Variants in UNC79 observed in about 807,000 individuals in gnomAD.
The protein encoded by UNC79 is unc-79 subunit of NALCN channel complex.
Under a neutral mutation model 283.1 loss-of-function variants are expected in UNC79, and 37 were observed. The ratio of observed to expected loss-of-function variants is 0.13; its 90% CI spans 0.10 to 0.17. The LOEUF (loss-of-function observed/expected upper bound fraction) is 0.17, where lower values mean the gene tolerates loss of function less well. UNC79 is among the 10% of genes least tolerant of loss of function. The pLI is 1.00. For missense variants in UNC79, 2,272 were observed against 3,211.1 expected (o/e 0.71, Z 7.07); for synonymous variants, 1,107 against 1,200.2 (o/e 0.92, Z 1.61).
chr14:93,574,488 A>G (rs1347227972), intron 16 of UNC79, among the ~76,000 whole-genome samples: 1 of 152,200 alleles, frequency 6.6e-6, no homozygotes, highest in East Asian at 1.9e-4. Flanking sequence ...TCACAGTGGG[A>G]GGGATAGGAT....
At chr14:93,672,670 G>A (rs189938157) in intron 40 of UNC79, among the ~76,000 whole-genome samples, 1 of 152,310 alleles carries the variant, frequency 6.6e-6, no homozygotes, top group East Asian at 1.9e-4. Context: ...GACTTGAAAT[G>A]TTCCCAATGC....
At chr14:93,580,016 A>G in intron 18 of UNC79, 133 bp from the exon 19 acceptor site, 1 of 770,448 alleles carries the variant, frequency 1.3e-6, no homozygotes, top group Non-Finnish European at 2.0e-6. Flanking sequence ...TAAATAATTC[A>G]ATATTTCTGT....
chr14:93,670,566 A>C (rs886948143), intron 40 of UNC79, among the ~76,000 whole-genome samples: 5 of 152,242 alleles, frequency 3.3e-5, no homozygotes, highest in African/African-American at 1.2e-4. Context: ...TTCTCTGGGC[A>C]TGCCACCTTC....
chr14:93,380,170 G>T (rs1397776997), intron 1 of UNC79, among the ~76,000 whole-genome samples: 1 of 152,114 alleles, frequency 6.6e-6, no homozygotes, highest in African/African-American at 2.4e-5. Flanking sequence ...GAGTAGGAGG[G>T]GGAGGATGAC....
At chr14:93,402,285 AAAAAAAAAAGAAAAG>A (rs1297597252) in intron 1 of UNC79, among the ~76,000 whole-genome samples, 2 of 147,660 alleles carry the variant, frequency 1.4e-5, no homozygotes, top group Non-Finnish European at 3.0e-5. Flanking sequence ...TCAAAAAAAA[AAAAAAAAAAGAAAAG>A]AAAAGAAAAA....
intron 46 of UNC79, among the ~76,000 whole-genome samples, chr14:93,693,607 G>A (rs553156165): frequency 3.9e-5 from 6 of 152,178 alleles, no homozygotes; most frequent in Non-Finnish European, 7.3e-5. Context: ...TTGAACTGTC[G>A]TAAGCATGGC....
intron 7 of UNC79, among the ~76,000 whole-genome samples, chr14:93,500,844 T>G (rs1033280945): frequency 2.0e-5 from 3 of 152,240 alleles, no homozygotes; most frequent in Non-Finnish European, 2.9e-5. Context: ...TTAGAAATTG[T>G]CTGCAATGCC....
At chr14:93,376,279 T>G (rs773294855) in intron 1 of UNC79, among the ~76,000 whole-genome samples, 31 of 152,186 alleles carry the variant, frequency 2.0e-4, no homozygotes, top group Non-Finnish European at 4.3e-4. Context: ...AGAGAGATTT[T>G]GGGGAAGAAC....
rs1425647659 is a variant in UNC79, at chr14:93,521,878, A to G, written c.899-2100A>G. Among the ~76,000 whole-genome samples the G allele has an allele frequency of 2.0e-5, 3 of 150,598 alleles. No homozygotes were observed. In the Admixed American group the frequency reaches 2.0e-4, roughly 10 times the overall value. On this transcript the variant is annotated intron_variant, in intron 7 of 48. Coordinates refer to ENST00000555664, the Ensembl canonical transcript of UNC79. ...TGTAGTGCTTTTCCCAATTAGAAATACCTGTGTTCTATCCTCAAACATTTT... is the reference window on the plus strand; with the variant it reads ...TGTAGTGCTTTTCCCAATTAGAAATGCCTGTGTTCTATCCTCAAACATTTT...
chr14:93,511,070 G>A (rs1256002065), intron 7 of UNC79, among the ~76,000 whole-genome samples: 1 of 152,142 alleles, frequency 6.6e-6, no homozygotes, highest in Non-Finnish European at 1.5e-5. Flanking sequence ...AGGGGGAAGC[G>A]GGCACATCTT....
intron 1 of UNC79, among the ~76,000 whole-genome samples, chr14:93,398,905 A>G (rs1454647193): frequency 6.6e-6 from 1 of 152,180 alleles, no homozygotes; most frequent in Non-Finnish European, 1.5e-5. Flanking sequence ...GTTGGGGTAA[A>G]CATGGTGTAT....
At chr14:93,431,729 A>C (rs889437479) in intron 1 of UNC79, among the ~76,000 whole-genome samples, 3 of 152,250 alleles carry the variant, frequency 2.0e-5, no homozygotes, top group Non-Finnish European at 4.4e-5. Flanking sequence ...AGGGCAGCCC[A>C]TAGCACCGGA....
In UNC79 at chr14:93,690,370, T is replaced by A; in HGVS notation, c.7272+67T>A. 7 of 1,518,946 alleles carry A rather than the reference T, an allele frequency of 4.6e-6. No homozygotes were observed. The highest frequency in any genetic ancestry group is 6.2e-6 in the Non-Finnish European group (7 of 1,122,182). 94.1% of individuals were successfully genotyped at this position (1,518,946 alleles called of 1,614,324 possible). ...TGCTAATGGAAACCTTATCAGCCAATTATGTTTCTTCTGAGAAGAAAATAC... is the reference window on the plus strand; with the variant it reads ...TGCTAATGGAAACCTTATCAGCCAAATATGTTTCTTCTGAGAAGAAAATAC... On this transcript the variant is annotated intron_variant, in intron 45 of 48. Coordinates refer to ENST00000555664, the Ensembl canonical transcript of UNC79. The surrounding 1 kb of genome is among the most constrained non-coding windows in gnomAD (Gnocchi z 4.3).
At chr14:93,462,296 A>G (rs1220666142) in intron 1 of UNC79, among the ~76,000 whole-genome samples, 1 of 152,066 alleles carries the variant, frequency 6.6e-6, no homozygotes. Context: ...ACAGAGCAAG[A>G]CTCTGTCTCA....
At chr14:93,385,708 G>A (rs1230505731) in intron 1 of UNC79, among the ~76,000 whole-genome samples, 1 of 151,958 alleles carries the variant, frequency 6.6e-6, no homozygotes, top group Non-Finnish European at 1.5e-5. Context: ...GAACCCAGGA[G>A]GTGGAGGTTG....
At chr14:93,622,879 T>C (rs1388074140) in intron 30 of UNC79, 38 bp downstream of exon 32, 15 of 1,588,480 alleles carry the variant, frequency 9.4e-6, no homozygotes, top group Middle Eastern at 1.8e-4. Flanking sequence ...GCCTTAACTT[T>C]AAGTTTGTGC....
intron 1 of UNC79, among the ~76,000 whole-genome samples, chr14:93,352,176 C>T (rs911660239): frequency 6.6e-6 from 1 of 152,206 alleles, no homozygotes; most frequent in Admixed American, 6.5e-5. Flanking sequence ...TCACTGGTTG[C>T]AAACCTGCTC....
intron 14 of UNC79, among the ~76,000 whole-genome samples, chr14:93,554,026 A>G (rs1374906546): frequency 6.6e-6 from 1 of 152,204 alleles, no homozygotes; most frequent in African/African-American, 2.4e-5. Flanking sequence ...TCACAGAGAG[A>G]GGACTCAGCT....
At chr14:93,492,963 C>T (rs938848103) in intron 5 of UNC79, among the ~76,000 whole-genome samples, 4 of 152,166 alleles carry the variant, frequency 2.6e-5, no homozygotes, top group Admixed American at 2.6e-4. Flanking sequence ...ACCCCATCCT[C>T]ATCTCAGGAA....
Sources: gnomAD v4.1 joint callset for allele counts (sites outside exome capture counted in the v4.1 genomes callset) on GRCh38, gnomAD v4.1.1 for gene constraint, Gnocchi (gnomAD v3.1) non-coding constraint, MANE v1.5 for transcripts, NCBI Gene and HGNC (gene_info 2026-07-23, HGNC 2026-07-21) for gene names.